The following ZNF568 variants were observed in gnomAD, a reference collection of about 807,000 sequenced individuals.
ZNF568 encodes the protein p53 inhibitor of SCO2 activation.
Under a neutral mutation model 18.1 loss-of-function variants are expected in ZNF568, and 11 were observed. That is an observed-to-expected ratio of 0.61 (90% CI 0.38 to 1.00). ZNF568 has a LOEUF of 1.00. Among genes scored for constraint, ZNF568 ranks in the 50% least tolerant of loss-of-function variants. ZNF568 has a pLI of 0.01. For missense variants in ZNF568, 639 were observed against 768.2 expected, an observed-to-expected ratio of 0.83 and a Z score of 1.99; for synonymous variants, 213 against 246.6, an observed-to-expected ratio of 0.86 and a Z score of 1.28.
At chr19:36,983,515 A>G (rs941238721), downstream of ZNF568, among the ~76,000 whole-genome samples, 1 of 152,176 alleles carries the variant, frequency 6.6e-6, no homozygotes, top group Non-Finnish European at 1.5e-5. Flanking sequence ...CAGGGTGGTC[A>G]GTTTTTCAAA....
At chr19:36,936,992 C>A in intron 5 of ZNF568, 120 bp downstream of exon 5, 1 of 1,380,580 alleles carries the variant, frequency 7.2e-7, no homozygotes, top group Non-Finnish European at 1.0e-6. Flanking sequence ...ACTATATGTG[C>A]TCCACTCTTC....
chr19:36,950,295 TGAG>T lies in ZNF568; in HGVS notation c.1143_1145del (p.Met381_Arg382delinsIle). 1 of 1,613,870 alleles carries T rather than the reference TGAG, an allele frequency of 6.2e-7. No homozygotes were observed. The highest frequency in any genetic ancestry group is 8.5e-7 in the Non-Finnish European group (1 of 1,179,946). On this transcript the variant is annotated inframe_deletion, in exon 7 of 7. Coordinates refer to ENST00000333987, the MANE Select transcript of ZNF568 (RefSeq NM_198539.4). Reference sequence around the variant, plus strand: ...CGAATGTCATCTGTTACGCTACATATGAGAAGTCACACAGGGGAGAAACCCTAT... The same window carrying T: ...CGAATGTCATCTGTTACGCTACATATAAGTCACACAGGGGAGAAACCCTAT...
intron 3 of ZNF568, among the ~76,000 whole-genome samples, chr19:36,924,199 T>C (rs2073506372): frequency 6.6e-6 from 1 of 152,074 alleles, no homozygotes. Flanking sequence ...AGCCAGTCTC[T>C]GATGAAGGTT....
At chr19:36,928,939 G>T (rs2073631730) in intron 4 of ZNF568, among the ~76,000 whole-genome samples, 1 of 151,920 alleles carries the variant, frequency 6.6e-6, no homozygotes. Flanking sequence ...AGATTGATCA[G>T]AATCTCAATA....
chr19:36,955,797 A>T (rs142028400), downstream of ZNF568, among the ~76,000 whole-genome samples: 484 of 152,348 alleles, frequency 3.2e-3, 3 homozygotes, highest in African/African-American at 0.011. Flanking sequence ...GAGGTGATTC[A>T]ACATAATGAG....
At chr19:36,927,892 TATA>T (rs1300526457) in intron 4 of ZNF568, among the ~76,000 whole-genome samples, 2 of 31,114 alleles carry the variant, frequency 6.4e-5, no homozygotes, top group Non-Finnish European at 1.2e-4. Flanking sequence ...ATATATTATA[TATA>T]TATATATATT....
At chr19:36,923,865 C>T (rs898608976) in intron 3 of ZNF568, among the ~76,000 whole-genome samples, 11 of 152,112 alleles carry the variant, frequency 7.2e-5, no homozygotes, top group Non-Finnish European at 1.3e-4. Context: ...CCCACCTTCA[C>T]TTAAGCTTCA....
chr19:36,943,032 G>A (rs1440692935), intron 6 of ZNF568, among the ~76,000 whole-genome samples: 1 of 152,080 alleles, frequency 6.6e-6, no homozygotes, highest in African/African-American at 2.4e-5. Context: ...ACCTTATTCT[G>A]GATTTGCCAT....
intron 4 of ZNF568, among the ~76,000 whole-genome samples, chr19:36,934,206 A>G (rs181027651): frequency 1.8e-4 from 27 of 148,376 alleles, no homozygotes; most frequent in African/African-American, 6.4e-4. Context: ...GATTCTCTCT[A>G]ATGTTTTTCT....
chr19:36,926,256 C>T (rs1205167599), intron 4 of ZNF568, among the ~76,000 whole-genome samples: 1 of 151,932 alleles, frequency 6.6e-6, no homozygotes, highest in East Asian at 1.9e-4. Context: ...TTTTTGTTTC[C>T]ACCTCTGAAG....
Position 36,950,410 on chromosome 19 carries a change from A to G in ZNF568, c.1257A>G (p.Val419=), listed in dbSNP as rs1352129219. 2 of 1,613,988 alleles carry G rather than the reference A, an allele frequency of 1.2e-6. No individual in the cohort carries two copies. Among genetic ancestry groups the G allele is most frequent in the Non-Finnish European group, 1.7e-6 (2 of 1,180,002 alleles). The part of the protein sequence containing the change: ...MRSHTGEKPY[V]CSECGKAFSQ... ...GTCACACTGGTGAGAAACCCTATGT[A>G]TGTAGTGAATGTGGGAAAGCCTTCT... The change falls in exon 7 of 7, where the codon GTA becomes GTG. Residue 419 remains valine, a synonymous_variant. Transcript: ENST00000333987.
chr19:36,989,308 T>C (rs571640297), intron 2 of ZNF568, among the ~76,000 whole-genome samples: 24 of 151,770 alleles, frequency 1.6e-4, no homozygotes, highest in Non-Finnish European at 2.8e-4. Context: ...TTAGCCCCCC[T>C]AGTAGCTGGG....
chr19:36,942,771 T>A (rs79127092), intron 6 of ZNF568, among the ~76,000 whole-genome samples: 3,796 of 152,268 alleles, frequency 0.025, 69 homozygotes, highest in Middle Eastern at 0.055. Flanking sequence ...CCTTTTCTTT[T>A]AAATACTACC....
intron 6 of ZNF568, among the ~76,000 whole-genome samples, chr19:36,942,435 T>G (rs2146298757): frequency 6.6e-6 from 1 of 151,232 alleles, no homozygotes. Context: ...CCATCTCTAT[T>G]AAAAGTACAA....
At chr19:36,980,810 G>A (rs10403679), downstream of ZNF568, among the ~76,000 whole-genome samples, 3 of 151,886 alleles carry the variant, frequency 2.0e-5, no homozygotes, top group African/African-American at 7.3e-5. Context: ...CCATGTGCAC[G>A]AACTCAGTTT....
At chr19:36,995,323 C>T (rs1057293272) in intron 4 of ZNF568, among the ~76,000 whole-genome samples, 3 of 152,134 alleles carry the variant, frequency 2.0e-5, no homozygotes, top group Admixed American at 6.5e-5. Context: ...CACTTGAACC[C>T]AGTGAGTGGA....
At chr19:36,936,526 C>G (rs546331539) in intron 4 of ZNF568, 136 of 328,536 alleles carry the variant, frequency 4.1e-4, no homozygotes, top group Non-Finnish European at 6.7e-4. Flanking sequence ...ATTTATTTTA[C>G]CTGGAGTTCA....
At chr19:36,959,814 ACTCT>A (rs1302098570) in intron 6 of ZNF568, among the ~76,000 whole-genome samples, 3 of 151,554 alleles carry the variant, frequency 2.0e-5, no homozygotes, top group Non-Finnish European at 2.9e-5. Flanking sequence ...AGTCTCTGAC[ACTCT>A]CTTGTATTTC....
downstream of ZNF568, among the ~76,000 whole-genome samples, chr19:36,982,883 T>A (rs1038563613): frequency 1.3e-5 from 2 of 152,194 alleles, no homozygotes; most frequent in Non-Finnish European, 2.9e-5. Flanking sequence ...GCTAATAACT[T>A]GCTTAGAATT....
Sources: allele counts gnomAD v4.1 joint callset (sites outside exome capture counted in the v4.1 genomes callset), GRCh38; gene constraint gnomAD v4.1.1; transcripts MANE v1.5; gene names NCBI Gene and HGNC (gene_info 2026-07-23, HGNC 2026-07-21).